The following EPB41L4B variants were observed in gnomAD, a reference collection of about 807,000 sequenced individuals.
The protein encoded by EPB41L4B is erythrocyte membrane protein band 4.1 like 4B.
A neutral mutation model predicts 112.5 loss-of-function variants in EPB41L4B; 30 were observed. The observed-to-expected ratio is 0.27, with a 90% CI of 0.20 to 0.36. The LOEUF is 0.36. EPB41L4B is among the 10% of genes least tolerant of loss of function. The pLI, the probability that EPB41L4B is intolerant of heterozygous loss-of-function variation, is 1.00. For missense variants in EPB41L4B, 1,024 were observed against 1,133.3 expected (o/e 0.90, Z 1.38); for synonymous variants, 408 against 439.7 (o/e 0.93, Z 0.90).
In EPB41L4B at chr9:109,209,257, T is replaced by C. The variant is rs557460638; in HGVS notation, c.1753-1208A>G. Among the ~76,000 whole-genome samples the C allele has an allele frequency of 5.9e-4, 90 of 152,142 alleles. No individual in the cohort carries two copies. The South Asian group carries it at 6.9e-3, about 12-fold the overall frequency. ...TTTCCCAGGGGGACCTCCAAACATA[T>C]GGAGAAGCATTTGGTAGACCAAGCA... On this transcript the variant is annotated intron_variant, in intron 17 of 25. Coordinates refer to ENST00000374566, the MANE Select transcript of EPB41L4B (RefSeq NM_019114.5).
intron 1 of EPB41L4B, among the ~76,000 whole-genome samples, chr9:109,289,895 T>C (rs1414043866): frequency 6.6e-6 from 1 of 152,238 alleles, no homozygotes; most frequent in African/African-American, 2.4e-5. Context: ...ATCTATCCTA[T>C]TAAGAACATT....
intron 15 of EPB41L4B, among the ~76,000 whole-genome samples, chr9:109,233,168 A>G (rs1834011554): frequency 6.6e-6 from 1 of 152,208 alleles, no homozygotes; most frequent in African/African-American, 2.4e-5. Context: ...ATCCTTTTTT[A>G]GTGGATGGCC....
At chr9:109,299,936 G>T (rs1836894414) in intron 1 of EPB41L4B, among the ~76,000 whole-genome samples, 1 of 152,190 alleles carries the variant, frequency 6.6e-6, no homozygotes, top group African/African-American at 2.4e-5. Context: ...TATGAACAAA[G>T]ACACACCACT....
chr9:109,187,088 C>T (rs193233821), intron 22 of EPB41L4B, among the ~76,000 whole-genome samples: 2 of 152,224 alleles, frequency 1.3e-5, no homozygotes, highest in East Asian at 1.9e-4. Context: ...GAGGGAACCA[C>T]GGACAGGGTT....
chr9:109,197,971 G>A (rs1459831283), intron 20 of EPB41L4B, among the ~76,000 whole-genome samples: 1 of 152,042 alleles, frequency 6.6e-6, no homozygotes, highest in Non-Finnish European at 1.5e-5. Flanking sequence ...AATGTAAAAG[G>A]AATGGCAAGT....
chr9:109,201,843 A>T (rs1832844959), intron 19 of EPB41L4B, among the ~76,000 whole-genome samples: 3 of 152,208 alleles, frequency 2.0e-5, no homozygotes, highest in Admixed American at 2.0e-4. Flanking sequence ...GTCTACACTG[A>T]AGGCAATGGA....
intron 22 of EPB41L4B, among the ~76,000 whole-genome samples, chr9:109,189,214 G>C (rs371812564): frequency 5.3e-5 from 8 of 152,286 alleles, no homozygotes; most frequent in African/African-American, 1.9e-4. Context: ...ATCGGAAATG[G>C]AAAGACGTGA....
At chr9:109,269,856 G>A (rs573190329) in intron 2 of EPB41L4B, among the ~76,000 whole-genome samples, 4 of 152,328 alleles carry the variant, frequency 2.6e-5, no homozygotes, top group African/African-American at 9.6e-5. Context: ...AACCAGGACA[G>A]TGTACTCCAC....
chr9:109,280,371 G>A (rs764945435), intron 1 of EPB41L4B, among the ~76,000 whole-genome samples: 13 of 152,164 alleles, frequency 8.5e-5, no homozygotes, highest in African/African-American at 2.2e-4. Flanking sequence ...AGTAGGTAAC[G>A]AAGTCTCAGG....
chr9:109,239,906 A>G lies in EPB41L4B; in HGVS notation c.1409+3712T>C. On this transcript the variant is annotated intron_variant, in intron 15 of 25. Coordinates refer to ENST00000374566, the MANE Select transcript of EPB41L4B (RefSeq NM_019114.5). ...CCACTGCCACCACTTCTCTCTACTC[A>G]GCACCTGTGACAGGCAGGACAACCT... The G allele has an allele frequency of 3.0e-6, 3 of 985,508 alleles. No homozygotes were observed. In the South Asian group the frequency reaches 1.4e-4, roughly 46 times the overall value. 61.0% of individuals were successfully genotyped at this position (985,508 alleles called of 1,614,324 possible). A position where few individuals can be genotyped will look rare whatever the true frequency, so the allele number is the denominator to read the frequency against.
At chr9:109,265,328 C>T (rs1292177494) in intron 4 of EPB41L4B, among the ~76,000 whole-genome samples, 2 of 152,216 alleles carry the variant, frequency 1.3e-5, no homozygotes, top group African/African-American at 2.4e-5. Flanking sequence ...GAGAAGAGAG[C>T]CGAACGTGGC....
chr9:109,319,289 T>C (rs1037080482), intron 1 of EPB41L4B, among the ~76,000 whole-genome samples: 2 of 151,912 alleles, frequency 1.3e-5, no homozygotes, highest in African/African-American at 4.8e-5. Flanking sequence ...GGGGCGGGGG[T>C]GCAACCACCT....
intron 20 of EPB41L4B, 111 bp downstream of exon 20, chr9:109,200,125 G>A: frequency 2.6e-6 from 2 of 782,276 alleles, no homozygotes; most frequent in Non-Finnish European, 4.2e-6. Context: ...GAAATAAATG[G>A]AATTTGGGGG....
chr9:109,264,426 A>C (rs1040593533), intron 5 of EPB41L4B, among the ~76,000 whole-genome samples: 2 of 152,224 alleles, frequency 1.3e-5, no homozygotes. Context: ...TTTACGGTAA[A>C]TTAAGACTGC....
At chr9:109,269,747 A>T (rs1036709362) in intron 2 of EPB41L4B, among the ~76,000 whole-genome samples, 1 of 152,190 alleles carries the variant, frequency 6.6e-6, no homozygotes, top group Non-Finnish European at 1.5e-5. Flanking sequence ...TGGGCTACTC[A>T]TGAGTTACTC....
At position 109,172,392 on chromosome 9, in the gene EPB41L4B, G is replaced by A. The variant is rs1831662491; in HGVS notation, c.*2162C>T. 1 of 152,158 alleles carries A rather than the reference G, an allele frequency of 6.6e-6. No individual in the cohort carries two copies. Among genetic ancestry groups the A allele is most frequent in the African/African-American group, 2.4e-5 (1 of 41,432 alleles). 9.4% of individuals were successfully genotyped at this position (152,158 alleles called of 1,614,324 possible). On this transcript the variant is annotated 3_prime_UTR_variant, in exon 26 of 26. Transcript: ENST00000374566. ...TGTACGGGAACATATTTTGTATCAT[G>A]TGCACAAGATAAAGAACAGCTAAAG... is the stretch of plus-strand genomic sequence containing the variant.
At chr9:109,252,398 C>T (rs2119012345) in intron 12 of EPB41L4B, among the ~76,000 whole-genome samples, 1 of 152,328 alleles carries the variant, frequency 6.6e-6, no homozygotes, top group South Asian at 2.1e-4. Context: ...TTCATCAACC[C>T]ATCGCCCTTC....
At chr9:109,299,802 A>C (rs531116888) in intron 1 of EPB41L4B, among the ~76,000 whole-genome samples, 2 of 152,210 alleles carry the variant, frequency 1.3e-5, no homozygotes, top group South Asian at 4.2e-4. Context: ...TCCCACGGGT[A>C]CCACAGATTC....
In EPB41L4B at chr9:109,320,368, C is replaced by A; in HGVS notation, c.79G>T (p.Ala27Ser). 1 of 982,684 alleles carries A rather than the reference C, an allele frequency of 1.0e-6. No individual in the cohort carries two copies. The highest frequency in any genetic ancestry group is 4.5e-5 in the South Asian group (1 of 22,124). 60.9% of individuals were successfully genotyped at this position (982,684 alleles called of 1,614,324 possible). Residue 27 changes from alanine (A) to serine (S), a missense_variant, in exon 1 of 26, where the codon GCC becomes TCC. By Grantham distance (99) the Ala-to-Ser change is moderately conservative (BLOSUM62 1). Coordinates refer to ENST00000374566, the MANE Select transcript of EPB41L4B (RefSeq NM_019114.5). ...CCATCGCGCTCGTCCCCCAGCCCGG[C>A]GGCCCCGCGCCCCGCCGCGCCCCGC... ...YARGAAGRGAAGLGDERDGGP... is the reference protein window; with the variant it reads ...YARGAAGRGASGLGDERDGGP...
Sources: gnomAD v4.1 joint callset for allele counts (sites outside exome capture counted in the v4.1 genomes callset) on GRCh38, gnomAD v4.1.1 for gene constraint, MANE v1.5 for transcripts, NCBI Gene and HGNC (gene_info 2026-07-23, HGNC 2026-07-21) for gene names.